NFYC: variants seen among roughly 807,000 people sequenced by gnomAD.
NFYC encodes nuclear transcription factor Y subunit gamma.
Under a neutral mutation model 53.1 loss-of-function variants are expected in NFYC, and 25 were observed. That is an observed-to-expected ratio of 0.47 (90% CI 0.34 to 0.66). The LOEUF is 0.66. Among genes scored for constraint, NFYC ranks in the 30% least tolerant of loss-of-function variants. The pLI is 0.01. For synonymous variants in NFYC, 145 were observed against 152.6 expected (o/e 0.95, Z 0.37); for missense variants, 260 against 422.7 (o/e 0.62, Z 3.38).
At chr1:40,737,166 T>C (rs1230561447) in intron 1 of NFYC, among the ~76,000 whole-genome samples, 1 of 150,448 alleles carries the variant, frequency 6.6e-6, no homozygotes, top group East Asian at 1.9e-4. Context: ...ATCCCAGACA[T>C]TTCTGGTCCC....
intron 1 of NFYC, among the ~76,000 whole-genome samples, chr1:40,706,335 C>G (rs1402129842): frequency 1.3e-5 from 2 of 151,972 alleles, no homozygotes; most frequent in Non-Finnish European, 2.9e-5. Context: ...TAGCACAGAA[C>G]CTGGCACTAG....
At chr1:40,730,403 G>A (rs1283928159) in intron 1 of NFYC, among the ~76,000 whole-genome samples, 1 of 152,036 alleles carries the variant, frequency 6.6e-6, no homozygotes, top group Non-Finnish European at 1.5e-5. Context: ...GGCCGTTGTA[G>A]GGTTATTAAG....
rs1040188996 is a variant in NFYC, at chr1:40,771,190, C to T, written c.*362C>T. On this transcript the variant is annotated 3_prime_UTR_variant, in exon 10 of 10. Transcript: ENST00000447388. ...CTTTTTTTTTTGTTTGTTACTGCCA[C>T]TTCTTTTTAGGAGCAAATCTCCCCA... The T allele has an allele frequency of 3.2e-6, 1 of 310,912 alleles. No homozygotes were observed. The highest frequency in any genetic ancestry group is 6.2e-6 in the Non-Finnish European group (1 of 162,584). 19.3% of individuals were successfully genotyped at this position (310,912 alleles called of 1,614,324 possible).
intron 1 of NFYC, among the ~76,000 whole-genome samples, chr1:40,727,845 T>C (rs1570465157): frequency 6.7e-6 from 1 of 150,044 alleles, no homozygotes; most frequent in African/African-American, 2.4e-5. Context: ...ATGAATATTC[T>C]TAATGGTATT....
chr1:40,691,793 G>C lies in NFYC; in HGVS notation c.-83G>C. The C allele has an allele frequency of 2.2e-6, 1 of 451,544 alleles. No individual in the cohort carries two copies. Among genetic ancestry groups the C allele is most frequent in the Non-Finnish European group, 4.5e-6 (1 of 224,680 alleles). 28.0% of individuals were successfully genotyped at this position (451,544 alleles called of 1,614,324 possible). A position where few individuals can be genotyped will look rare whatever the true frequency, so the allele number is the denominator to read the frequency against. On this transcript the variant is annotated 5_prime_UTR_variant, in exon 1 of 10. Coordinates refer to ENST00000447388, the MANE Select transcript of NFYC (RefSeq NM_014223.5). ...CACACTTCCCCCTCCCCTCCGCCGC[G>C]CCTGGGCCTCTGCATTGCCCGACTC...
At chr1:40,702,201 T>C (rs923618022) in intron 1 of NFYC, among the ~76,000 whole-genome samples, 2 of 152,216 alleles carry the variant, frequency 1.3e-5, no homozygotes, top group African/African-American at 4.8e-5. Context: ...GTCATCTCCT[T>C]AAGGTCCATT....
At chr1:40,744,152 A>C (rs370248412) in intron 2 of NFYC, among the ~76,000 whole-genome samples, 26 of 152,344 alleles carry the variant, frequency 1.7e-4, no homozygotes, top group African/African-American at 6.0e-4. Context: ...CAGCAGTGGC[A>C]TTAGATTCTC....
At chr1:40,765,492 C>T (rs1646765826) in intron 7 of NFYC, among the ~76,000 whole-genome samples, 1 of 152,192 alleles carries the variant, frequency 6.6e-6, no homozygotes, top group South Asian at 2.1e-4. Flanking sequence ...ATGGAAGAGT[C>T]CTGCAGTGAA....
intron 1 of NFYC, among the ~76,000 whole-genome samples, chr1:40,703,086 G>A (rs1643520004): frequency 6.6e-6 from 1 of 152,156 alleles, no homozygotes; most frequent in Admixed American, 6.5e-5. Flanking sequence ...CAAAGTGTTG[G>A]GATTACAGGC....
At chr1:40,762,855 C>G in intron 6 of NFYC, 33 bp from the exon 7 acceptor site, 1 of 1,528,084 alleles carries the variant, frequency 6.5e-7, no homozygotes, top group Non-Finnish European at 8.8e-7. Flanking sequence ...TGAGCCTGAA[C>G]TCACGCAGCA....
intron 1 of NFYC, among the ~76,000 whole-genome samples, chr1:40,737,464 G>T (rs868736515): frequency 5.9e-5 from 9 of 151,828 alleles, no homozygotes; most frequent in African/African-American, 2.4e-5. Flanking sequence ...GAGTAACTGG[G>T]ATTACAAGCG....
At position 40,770,243 on chromosome 1, in the gene NFYC, C is replaced by T; in HGVS notation, c.889-466C>T. 1.3e-6 allele frequency: 1 copy of T among 763,876 alleles called. No individual in the cohort carries two copies. Among genetic ancestry groups the T allele is most frequent in the South Asian group, 1.9e-5 (1 of 53,236 alleles). The allele number at this position is 763,876 out of a possible 1,614,324, so 47.3% of individuals were successfully genotyped here. On this transcript the variant is annotated intron_variant, in intron 9 of 9. Coordinates refer to ENST00000447388, the MANE Select transcript of NFYC (RefSeq NM_014223.5). The surrounding 1 kb of genome is among the most constrained non-coding windows in gnomAD (Gnocchi z 5.3). The stretch of plus-strand genomic sequence containing the variant: ...AGGGTCCATGGAGAAAATTCAAATT[C>T]AGTTTAGTTTCAACCTGAGCCAGAT...
At chr1:40,724,172 C>A (rs2148503944) in intron 1 of NFYC, among the ~76,000 whole-genome samples, 1 of 152,252 alleles carries the variant, frequency 6.6e-6, no homozygotes, top group East Asian at 1.9e-4. Flanking sequence ...GAGTTCAAGA[C>A]CAACCTGGTC....
At chr1:40,747,198 GA>G (rs10715572) in intron 2 of NFYC, among the ~76,000 whole-genome samples, 121,386 of 146,296 alleles carry the variant, frequency 0.83, 50,351 homozygotes, top group East Asian at 0.98. Context: ...AACTTACTTG[GA>G]AAAAAAAAGA....
At chr1:40,701,693 T>C (rs1326022041) in intron 1 of NFYC, among the ~76,000 whole-genome samples, 1 of 152,238 alleles carries the variant, frequency 6.6e-6, no homozygotes, top group Non-Finnish European at 1.5e-5. Flanking sequence ...TTCCTGTTTG[T>C]TACAGTAGAC....
rs566511816 is a variant in NFYC at position 40,737,177 on chromosome 1, C to A, written c.-8-1659C>A. 3.3e-5 allele frequency among the ~76,000 whole-genome samples: 5 copies of A among 151,412 alleles called. 1 individual carries two copies. The South Asian group carries it at 1.0e-3, about 32-fold the overall frequency. ...CAAAATCCCAGACATTTCTGGTCCC[C>A]AGGCATTTCAGAATTTCAGATAAGG... On this transcript the variant is annotated intron_variant, in intron 1 of 9. Coordinates refer to ENST00000447388, the MANE Select transcript of NFYC (RefSeq NM_014223.5).
intron 1 of NFYC, chr1:40,712,658 C>CTTTTTTTTTTT (rs3081775): frequency 2.8e-5 from 2 of 71,024 alleles, no homozygotes; most frequent in African/African-American, 5.8e-5. Context: ...GGATTAATGC[C>CTTTTTTTTTTT]TTTTTTTTTT....
intron 1 of NFYC, among the ~76,000 whole-genome samples, chr1:40,697,728 T>C (rs1643227642): frequency 6.6e-6 from 1 of 152,216 alleles, no homozygotes. Flanking sequence ...AACGTTTTCT[T>C]TGAAGTAAGC....
Position 40,762,933 on chromosome 1 carries a change from A to C in NFYC, c.607A>C (p.Ile203Leu), listed in dbSNP as rs774180987. ...MQVGEGQQVQ[I>L]VQAQPQGQAQ... The stretch of plus-strand genomic sequence containing the variant: ...GGTTGGAGAAGGTCAGCAGGTGCAG[A>C]TTGTCCAGGCTCAGCCACAGGGTCA... Residue 203 changes from isoleucine to leucine, a missense_variant, in exon 7 of 10, where the codon ATT (isoleucine) becomes CTT (leucine). Physicochemically the swap from Ile to Leu is conservative, Grantham distance 5. Transcript: ENST00000447388. 6.2e-7 allele frequency: 1 copy of C among 1,610,664 alleles called. No homozygotes were observed. The highest frequency in any genetic ancestry group is 1.1e-5 in the South Asian group (1 of 90,690).
Sources: gnomAD v4.1 joint callset for allele counts (sites outside exome capture counted in the v4.1 genomes callset) on GRCh38, gnomAD v4.1.1 for gene constraint, Gnocchi (gnomAD v3.1) non-coding constraint, MANE v1.5 for transcripts, NCBI Gene and HGNC (gene_info 2026-07-23, HGNC 2026-07-21) for gene names.